ANKZF1: variants seen among roughly 807,000 people sequenced by gnomAD.
ANKZF1 encodes ankyrin repeat and zinc finger peptidyl tRNA hydrolase 1.
ANKZF1 carries 84 observed loss-of-function variants against 86.0 expected under a neutral mutation model. The observed-to-expected ratio is 0.98, with a 90% CI of 0.82 to 1.17. The LOEUF (loss-of-function observed/expected upper bound fraction) is 1.17, where lower values mean the gene tolerates loss of function less well. Among genes scored for constraint, ANKZF1 ranks in the 50% most tolerant of loss-of-function variants. The pLI is 0.00. For synonymous variants in ANKZF1, 331 were observed against 354.2 expected, an observed-to-expected ratio of 0.93 and a Z score of 0.74; for missense variants, 893 against 918.4, an observed-to-expected ratio of 0.97 and a Z score of 0.36.
rs185638224 is a variant in ANKZF1 at position 219,236,665 on chromosome 2, T to C, written c.*220T>C. ...TTTGGCAAGGAATGTGTACTTGTAC[T>C]TACATTCAGAGGCACTGTGGCCTTT... is the stretch of plus-strand genomic sequence containing the variant. On this transcript the variant is annotated 3_prime_UTR_variant, in exon 14 of 14. Transcript: ENST00000323348. The C allele has an allele frequency of 3.3e-5, 20 of 610,504 alleles. No individual in the cohort carries two copies. The East Asian group carries it at 5.3e-4, about 16-fold the overall frequency. The allele number at this position is 610,504 out of a possible 1,614,324, so 37.8% of individuals were successfully genotyped here.
intron 2 of ANKZF1, chr2:219,231,602 G>A (rs1489205811): frequency 2.3e-5 from 6 of 263,342 alleles, no homozygotes; most frequent in Middle Eastern, 1.5e-3. Flanking sequence ...CACCGTGTTA[G>A]CCAGGATGGT....
In ANKZF1 at chr2:219,234,858, GTAGAGTTGGAGC is replaced by G; in HGVS notation, c.1241_1252del (p.Glu414_Leu417del). 6.2e-7 allele frequency: 1 copy of G among 1,613,366 alleles called. No homozygotes were observed. Among genetic ancestry groups the G allele is most frequent in the Non-Finnish European group, 8.5e-7 (1 of 1,179,490 alleles). ...GTCGGAGGGAGAAGATGGCTTTCAGGTAGAGTTGGAGCTAGTGGAGTTGACTGTGGGGACTCT... is the reference window on the plus strand; with the variant it reads ...GTCGGAGGGAGAAGATGGCTTTCAGGTAGTGGAGTTGACTGTGGGGACTCT... On this transcript the variant is annotated inframe_deletion, in exon 10 of 14. Coordinates refer to ENST00000323348, the MANE Select transcript of ANKZF1 (RefSeq NM_018089.3).
At chr2:219,235,955 T>G in intron 12 of ANKZF1, 55 bp from the exon 13 acceptor site, 1 of 1,613,888 alleles carries the variant, frequency 6.2e-7, no homozygotes, top group South Asian at 1.1e-5. Context: ...TGTCACCTCT[T>G]GGGTGCCCTA....
intron 3 of ANKZF1, 55 bp from the exon 4 acceptor site, chr2:219,232,205 A>G (rs1951061542): frequency 9.6e-6 from 15 of 1,569,872 alleles, no homozygotes; most frequent in Non-Finnish European, 1.3e-5. Flanking sequence ...TGGCCAGTAC[A>G]AGGCCAGGCT....
rs1418950829 is a variant in ANKZF1, at chr2:219,234,806, C to A, written c.1205-20C>A. 1 of 1,594,384 alleles carries A rather than the reference C, an allele frequency of 6.3e-7. No individual in the cohort carries two copies. Among genetic ancestry groups the A allele is most frequent in the East Asian group, 2.2e-5 (1 of 44,646 alleles). On this transcript the variant is annotated intron_variant, in intron 9 of 13. Transcript: ENST00000323348. Reference sequence around the variant, plus strand: ...CTGAGTACTCCCTAGATGGATTTCACATGTCAGGTTTTTCCCTAGGTTCAG... The same window carrying A: ...CTGAGTACTCCCTAGATGGATTTCAAATGTCAGGTTTTTCCCTAGGTTCAG...
Position 219,233,200 on chromosome 2 carries a change from G to A in ANKZF1, c.671+9G>A. On this transcript the variant is annotated intron_variant, in intron 6 of 13. Coordinates refer to ENST00000323348, the MANE Select transcript of ANKZF1 (RefSeq NM_018089.3). ...GGTGCTATATTTCAAGGGTGAGAGGGTGCTGCATGGGGGTAAGGATGGAGT... is the reference window on the plus strand; with the variant it reads ...GGTGCTATATTTCAAGGGTGAGAGGATGCTGCATGGGGGTAAGGATGGAGT... 1.2e-6 allele frequency: 2 copies of A among 1,614,246 alleles called. No individual in the cohort carries two copies. The highest frequency in any genetic ancestry group is 1.6e-4 in the Middle Eastern group (1 of 6,062).
Position 219,233,084 on chromosome 2 carries a change from C to T in ANKZF1, c.564C>T (p.Pro188=), listed in dbSNP as rs774021406. ...YRCVLGPHQD[P]PEEAELLLQN... is the part of the protein sequence containing the mutation. ...GATGCTTCTCTGTCATCAAGGATCCCCCAGAAGAGGCAGAACTGCTGCTAC... is the reference window on the plus strand; with the variant it reads ...GATGCTTCTCTGTCATCAAGGATCCTCCAGAAGAGGCAGAACTGCTGCTAC... Residue 188 remains proline, a synonymous_variant, in exon 6 of 14, where the codon CCC becomes CCT. Coordinates refer to ENST00000323348, the MANE Select transcript of ANKZF1 (RefSeq NM_018089.3). 1.3e-5 allele frequency: 21 copies of T among 1,613,524 alleles called. No homozygotes were observed. The highest frequency in any genetic ancestry group is 1.7e-5 in the Non-Finnish European group (20 of 1,179,884).
chr2:219,233,662 G>T, intron 7 of ANKZF1, 53 bp from the exon 8 acceptor site: 1 of 1,539,766 alleles, frequency 6.5e-7, no homozygotes, highest in Non-Finnish European at 8.8e-7. Flanking sequence ...TTTAGTTGGA[G>T]ATTTATAAAT....
Position 219,231,925 on chromosome 2 carries a change from T to A in ANKZF1, c.149-3T>A. On this transcript the variant is annotated splice_polypyrimidine_tract_variant and splice_region_variant and intron_variant, in intron 2 of 13. Transcript: ENST00000323348. The stretch of plus-strand genomic sequence containing the variant: ...TATGTCCAATTCCTCTTCCCTTATT[T>A]AGGCTCAGGGGAGAGAGAAAGCCCA... The A allele has an allele frequency of 6.2e-7, 1 of 1,612,228 alleles. No individual in the cohort carries two copies. Among genetic ancestry groups the A allele is most frequent in the Non-Finnish European group, 8.5e-7 (1 of 1,178,354 alleles).
Position 219,233,095 on chromosome 2 carries a change from C to G in ANKZF1, c.575C>G (p.Ala192Gly). Residue 192 changes from alanine (A) to glycine (G), a missense_variant, in exon 6 of 14, where the codon GCA (alanine) becomes GGA (glycine). Physicochemically the swap from Ala to Gly is moderately conservative, Grantham distance 60. Transcript: ENST00000323348. ...GTCATCAAGGATCCCCCAGAAGAGG[C>G]AGAACTGCTGCTACAGAACCTGCAA... ...LGPHQDPPEEAELLLQNLQSR... is the reference protein window; with the variant it reads ...LGPHQDPPEEGELLLQNLQSR... 6.2e-7 allele frequency: 1 copy of G among 1,613,920 alleles called. No homozygotes were observed. Among genetic ancestry groups the G allele is most frequent in the Non-Finnish European group, 8.5e-7 (1 of 1,179,984 alleles).
Position 219,232,634 on chromosome 2 carries a change from C to T in ANKZF1, c.509C>T (p.Ala170Val). 2 of 1,614,154 alleles carry T rather than the reference C, an allele frequency of 1.2e-6. No individual in the cohort carries two copies. The highest frequency in any genetic ancestry group is 8.5e-7 in the Non-Finnish European group (1 of 1,180,022). Residue 170 changes from alanine (A) to valine (V), a missense_variant, in exon 5 of 14, where the codon GCC (alanine) becomes GTC (valine). By Grantham distance (64) the Ala-to-Val change is moderately conservative. Transcript: ENST00000323348. ...FYPHRVLFQN[A>V]QGQFLYAYRC... ...CCTCATCGAGTTCTTTTCCAGAATG[C>T]CCAGGGCCAGTTTCTTTATGCCTAC...
intron 9 of ANKZF1, chr2:219,234,594 C>T: frequency 1.5e-6 from 1 of 669,592 alleles, no homozygotes; most frequent in Non-Finnish European, 2.5e-6. Flanking sequence ...CCATGCTTTC[C>T]TCTATTGTGC....
In ANKZF1 at chr2:219,236,351, A is replaced by T; in HGVS notation, c.2087A>T (p.Gln696Leu). 1 of 1,614,088 alleles carries T rather than the reference A, an allele frequency of 6.2e-7. No homozygotes were observed. Among genetic ancestry groups the T allele is most frequent in the Admixed American group, 1.7e-5 (1 of 60,022 alleles). Residue 696 changes from glutamine to leucine, a missense_variant, in exon 14 of 14, where the codon CAA becomes CTA. By Grantham distance (113) the Gln-to-Leu change is moderately radical (BLOSUM62 -2). Transcript: ENST00000323348. ...RRCWSCGASL[Q>L]GLTPFHYLDF... The stretch of plus-strand genomic sequence containing the variant: ...TGCTGGAGTTGTGGGGCATCCCTCC[A>T]AGGCCTGACTCCCTTTCACTACCTC...
At position 219,232,387 on chromosome 2, in the gene ANKZF1, G is replaced by A. The variant is rs1176707672; in HGVS notation, c.364+25G>A. On this transcript the variant is annotated intron_variant, in intron 4 of 13. Coordinates refer to ENST00000323348, the MANE Select transcript of ANKZF1 (RefSeq NM_018089.3). ...GGTGATGAGTGGTAGGGGGACCTATGTAGGAGTAGGACATGGAGGTATAAG... is the reference window on the plus strand; with the variant it reads ...GGTGATGAGTGGTAGGGGGACCTATATAGGAGTAGGACATGGAGGTATAAG... 6.8e-6 allele frequency: 11 copies of A among 1,612,814 alleles called. No individual in the cohort carries two copies. The South Asian group carries it at 9.9e-5, about 14-fold the overall frequency.
chr2:219,233,778 C>CTGTT lies in ANKZF1; in HGVS notation c.884_887dup (p.Leu296PhefsTer48). On this transcript the variant is annotated frameshift_variant, in exon 8 of 14. Coordinates refer to ENST00000323348, the MANE Select transcript of ANKZF1 (RefSeq NM_018089.3). LOFTEE classifies it high-confidence loss of function. ...GGCGCTGGAGGAGGCTGGTACAATACTGTTGCGTGCTCCCCGCTCTGGCCG... is the reference window on the plus strand; with the variant it reads ...GGCGCTGGAGGAGGCTGGTACAATACTGTTTGTTGCGTGCTCCCCGCTCTGGCCG... The CTGTT allele has an allele frequency of 1.2e-6, 2 of 1,614,124 alleles. No individual in the cohort carries two copies. Among genetic ancestry groups the CTGTT allele is most frequent in the Middle Eastern group, 1.7e-4 (1 of 6,054 alleles).
Position 219,234,839 on chromosome 2 carries a change from GGGA to G in ANKZF1, c.1220_1222del (p.Gly407del), listed in dbSNP as rs781695896. 78 of 1,611,646 alleles carry G rather than the reference GGGA, an allele frequency of 4.8e-5. No individual in the cohort carries two copies. The highest frequency in any genetic ancestry group is 6.4e-5 in the Non-Finnish European group (76 of 1,178,370). On this transcript the variant is annotated inframe_deletion, in exon 10 of 14. Transcript: ENST00000323348. Reference sequence around the variant, plus strand: ...GTTTTTCCCTAGGTTCAGGGTCGGAGGGAGAAGATGGCTTTCAGGTAGAGTTGG... The same window carrying G: ...GTTTTTCCCTAGGTTCAGGGTCGGAGGAAGATGGCTTTCAGGTAGAGTTGG...
At chr2:219,236,264 G>A (rs887290029) in intron 13 of ANKZF1, 58 bp from the exon 14 acceptor site, 44 of 1,611,790 alleles carry the variant, frequency 2.7e-5, no homozygotes, top group Admixed American at 3.3e-5. Context: ...GACGGGGAGA[G>A]CGTGGATTGG....
intron 2 of ANKZF1, chr2:219,230,988 G>A (rs540274221): frequency 6.6e-6 from 1 of 152,344 alleles, no homozygotes; most frequent in African/African-American, 2.4e-5. Flanking sequence ...ATCCGCCTGG[G>A]TCAGCCTCCC....
Position 219,235,592 on chromosome 2 carries a change from T to C in ANKZF1, c.1803+7T>C, listed in dbSNP as rs776341298. On this transcript the variant is annotated splice_region_variant and intron_variant, in intron 11 of 13. Transcript: ENST00000323348. The stretch of plus-strand genomic sequence containing the variant: ...CGATTACAACAAGGCTCAGGTCATC[T>C]GGAATAGGAAGGACAAGCAGAGTGG... 3 of 1,613,808 alleles carry C rather than the reference T, an allele frequency of 1.9e-6. No individual in the cohort carries two copies. The highest frequency in any genetic ancestry group is 2.5e-6 in the Non-Finnish European group (3 of 1,179,928).
Sources: allele counts gnomAD v4.1 joint callset, GRCh38; gene constraint gnomAD v4.1.1; transcripts MANE v1.5; gene names NCBI Gene and HGNC (gene_info 2026-07-23, HGNC 2026-07-21).